The following ZNF804B variants were observed in gnomAD, a reference collection of about 807,000 sequenced individuals.
ZNF804B encodes zinc finger protein 804B, also known as zinc finger 804B.
In ZNF804B, 80 loss-of-function variants were observed where a neutral mutation model predicts 101.4. That is an observed-to-expected ratio of 0.79 (90% CI 0.66 to 0.95). ZNF804B has a LOEUF of 0.95. ZNF804B is among the 40% of genes least tolerant of loss of function. The pLI is 0.00. For missense variants in ZNF804B, 1,673 were observed against 1,561.9 expected, an observed-to-expected ratio of 1.07 and a Z score of -1.20; for synonymous variants, 622 against 558.8, an observed-to-expected ratio of 1.11 and a Z score of -1.59.
intron 1 of ZNF804B, among the ~76,000 whole-genome samples, chr7:88,889,796 C>T (rs896710816): frequency 6.6e-6 from 1 of 152,082 alleles, no homozygotes; most frequent in African/African-American, 2.4e-5. Context: ...TCTCACTTGT[C>T]GATTTTTATT....
chr7:88,858,098 C>T (rs894976077), intron 1 of ZNF804B, among the ~76,000 whole-genome samples: 1 of 152,044 alleles, frequency 6.6e-6, no homozygotes, highest in Admixed American at 6.6e-5. Context: ...GCTGGGATTA[C>T]AGGTGAGAGC....
At chr7:89,071,802 A>G (rs1323593539) in intron 1 of ZNF804B, among the ~76,000 whole-genome samples, 2 of 151,978 alleles carry the variant, frequency 1.3e-5, no homozygotes, top group African/African-American at 2.4e-5. Flanking sequence ...ACACACACAC[A>G]CATTTAATTT....
chr7:89,277,161 G>A (rs1170670183), intron 2 of ZNF804B, among the ~76,000 whole-genome samples: 2 of 148,560 alleles, frequency 1.3e-5, no homozygotes, highest in East Asian at 1.9e-4. Flanking sequence ...AATATAAAAT[G>A]TTATATATAG....
intron 1 of ZNF804B, among the ~76,000 whole-genome samples, chr7:89,051,046 A>G (rs1013537724): frequency 6.6e-6 from 1 of 152,022 alleles, no homozygotes; most frequent in East Asian, 1.9e-4. Context: ...GATCCTACTC[A>G]TTCTTAATGG....
intron 1 of ZNF804B, among the ~76,000 whole-genome samples, chr7:88,942,536 C>A (rs1263728828): frequency 2.2e-5 from 3 of 134,066 alleles, no homozygotes; most frequent in South Asian, 2.6e-4. Context: ...GTGTGTTTTG[C>A]ATTGAATTAT....
intron 1 of ZNF804B, among the ~76,000 whole-genome samples, chr7:88,986,705 C>T (rs140193895): frequency 1.1e-3 from 161 of 152,154 alleles, no homozygotes; most frequent in Non-Finnish European, 1.7e-3. Context: ...CTTTGATTCA[C>T]CAGAGATATA....
intron 1 of ZNF804B, among the ~76,000 whole-genome samples, chr7:89,194,895 A>G (rs919575257): frequency 6.6e-6 from 1 of 152,014 alleles, no homozygotes; most frequent in Non-Finnish European, 1.5e-5. Context: ...TCTATAAATT[A>G]CCTTGGGCAG....
intron 1 of ZNF804B, among the ~76,000 whole-genome samples, chr7:88,981,773 C>T (rs1162947238): frequency 6.6e-6 from 1 of 151,954 alleles, no homozygotes; most frequent in African/African-American, 2.4e-5. Context: ...TTGCACTGAA[C>T]TCTAATGCAA....
intron 1 of ZNF804B, among the ~76,000 whole-genome samples, chr7:88,877,042 T>TTATATATATAATATATATATA (rs1791959876): frequency 4.0e-5 from 2 of 50,094 alleles, no homozygotes; most frequent in African/African-American, 2.0e-4. Context: ...TATATATATA[T>TTATATATATAATATATATATA]ATATATATTT....
intron 3 of ZNF804B, among the ~76,000 whole-genome samples, chr7:89,332,457 A>AAAGGAG (rs751576575): frequency 1.3e-5 from 2 of 151,680 alleles, no homozygotes; most frequent in Admixed American, 1.3e-4. Flanking sequence ...GGAACAAGAA[A>AAAGGAG]AAGAATGCCA....
chr7:89,017,600 A>T (rs1225868227), intron 1 of ZNF804B, among the ~76,000 whole-genome samples: 1 of 152,122 alleles, frequency 6.6e-6, no homozygotes, highest in Non-Finnish European at 1.5e-5. Flanking sequence ...ATCTGTAGAT[A>T]GCTTTGGATA....
rs111530677 is a variant in ZNF804B, at chr7:89,133,089, G to A, written c.109-85066G>A. Among the ~76,000 whole-genome samples, 1,421 of 152,086 alleles carry A rather than the reference G, an allele frequency of 9.3e-3. 14 individuals are homozygous for A. Among genetic ancestry groups the A allele is most frequent in the African/African-American group, 0.032 (1,331 of 41,510 alleles). ...AGGCAGGGGGCGTGTATCTCAGACC[G>A]AAATTTACTGGATGGGTTTGAAGCA... is the stretch of plus-strand genomic sequence containing the variant. On this transcript the variant is annotated intron_variant, in intron 1 of 3. Coordinates refer to ENST00000333190, the MANE Select transcript of ZNF804B (RefSeq NM_181646.5).
chr7:89,050,518 C>T (rs1317963976), intron 1 of ZNF804B, among the ~76,000 whole-genome samples: 1 of 152,076 alleles, frequency 6.6e-6, no homozygotes, highest in African/African-American at 2.4e-5. Flanking sequence ...GGATTAATGT[C>T]CCTGATGGTT....
intron 1 of ZNF804B, among the ~76,000 whole-genome samples, chr7:89,012,012 A>G (rs1002017930): frequency 1.3e-5 from 2 of 152,172 alleles, no homozygotes; most frequent in African/African-American, 4.8e-5. Flanking sequence ...TGAATATCCA[A>G]GCATTTCCGT....
intron 2 of ZNF804B, among the ~76,000 whole-genome samples, chr7:89,228,840 C>A (rs564615762): frequency 1.3e-5 from 2 of 152,230 alleles, no homozygotes; most frequent in Admixed American, 1.3e-4. Flanking sequence ...GGGGAGGCTC[C>A]GGCGGCACAG....
At chr7:89,206,229 G>A (rs1788712291) in intron 1 of ZNF804B, among the ~76,000 whole-genome samples, 1 of 152,174 alleles carries the variant, frequency 6.6e-6, no homozygotes, top group South Asian at 2.1e-4. Context: ...GAGAGGGGCT[G>A]CCATGAAGGT....
At chr7:88,834,592 C>T (rs1218030415) in intron 1 of ZNF804B, among the ~76,000 whole-genome samples, 6 of 151,264 alleles carry the variant, frequency 4.0e-5, no homozygotes, top group South Asian at 2.1e-4. Flanking sequence ...TCTTGATTGG[C>T]GTGATGGTAT....
chr7:89,041,332 T>A (rs1425984203), intron 1 of ZNF804B, among the ~76,000 whole-genome samples: 2 of 152,026 alleles, frequency 1.3e-5, no homozygotes, highest in Non-Finnish European at 2.9e-5. Flanking sequence ...TGTATCTTTG[T>A]GGGCAGGCCT....
At chr7:88,826,247 A>G (rs982356388) in intron 1 of ZNF804B, among the ~76,000 whole-genome samples, 7 of 152,188 alleles carry the variant, frequency 4.6e-5, no homozygotes, top group Non-Finnish European at 1.0e-4. Flanking sequence ...ATTAGAGAAA[A>G]TATTCCACAA....
Sources: allele counts gnomAD v4.1 joint callset (sites outside exome capture counted in the v4.1 genomes callset), GRCh38; gene constraint gnomAD v4.1.1; transcripts MANE v1.5; gene names NCBI Gene and HGNC (gene_info 2026-07-23, HGNC 2026-07-21).